RFTN2: variants seen among roughly 807,000 people sequenced by gnomAD.
RFTN2 encodes the protein raftlin family member 2, also known as raftlin-2.
RFTN2 carries 34 observed loss-of-function variants against 52.7 expected under a neutral mutation model. That is an observed-to-expected ratio of 0.64 (90% CI 0.49 to 0.86). The LOEUF is 0.86. Ranked by LOEUF, RFTN2 falls within the 40% of genes least tolerant of loss-of-function variation. The pLI is 0.00. For synonymous variants in RFTN2, 203 were observed against 217.7 expected (o/e 0.93, Z 0.59); for missense variants, 536 against 600.1 (o/e 0.89, Z 1.12).
At chr2:197,663,265 G>GC (rs1335870966) in intron 1 of RFTN2, among the ~76,000 whole-genome samples, 1 of 151,976 alleles carries the variant, frequency 6.6e-6, no homozygotes, top group African/African-American at 2.4e-5. Context: ...GAGCATTTTT[G>GC]CATCTATATT....
At chr2:197,660,106 T>C (rs1019988397) in intron 1 of RFTN2, among the ~76,000 whole-genome samples, 15 of 152,210 alleles carry the variant, frequency 9.9e-5, no homozygotes, top group African/African-American at 3.6e-4. Context: ...GAGGCTGTGA[T>C]TGAACCCAGA....
At chr2:197,592,627 A>C (rs1428226642) in intron 8 of RFTN2, among the ~76,000 whole-genome samples, 1 of 152,224 alleles carries the variant, frequency 6.6e-6, no homozygotes, top group Non-Finnish European at 1.5e-5. Flanking sequence ...ACTGTTTTTA[A>C]AACTAAACAT....
At chr2:197,624,054 C>CT (rs1222306652) in intron 5 of RFTN2, among the ~76,000 whole-genome samples, 3 of 152,182 alleles carry the variant, frequency 2.0e-5, no homozygotes, top group African/African-American at 7.2e-5. Context: ...CCGCCTCGGC[C>CT]TCCCAAAGTG....
chr2:197,657,532 A>T (rs2088911075), intron 1 of RFTN2, among the ~76,000 whole-genome samples: 1 of 152,176 alleles, frequency 6.6e-6, no homozygotes, highest in Non-Finnish European at 1.5e-5. Context: ...CCCCTTCTTC[A>T]CATCTCTAAA....
chr2:197,613,835 C>T (rs1171562846), intron 7 of RFTN2, among the ~76,000 whole-genome samples: 1 of 152,166 alleles, frequency 6.6e-6, no homozygotes, highest in African/African-American at 2.4e-5. Flanking sequence ...GAAGAGTAGA[C>T]ATTGAGAGTT....
Position 197,633,626 on chromosome 2 carries a change from A to C in RFTN2, c.718+92T>G, listed in dbSNP as rs1269374881. On this transcript the variant is annotated intron_variant, in intron 4 of 8. Coordinates refer to ENST00000295049, the MANE Select transcript of RFTN2 (RefSeq NM_144629.3). ...CATTTAGTCATTATAATCTTTAGCA[A>C]TTTACTTTGACTCATATTTCTAAAA... 7 of 950,850 alleles carry C rather than the reference A, an allele frequency of 7.4e-6. No homozygotes were observed. The East Asian group carries it at 1.5e-4, about 20-fold the overall frequency. The allele number at this position is 950,850 out of a possible 1,614,324, so 58.9% of individuals were successfully genotyped here.
chr2:197,593,687 G>A (rs1035033198), intron 8 of RFTN2, among the ~76,000 whole-genome samples: 14 of 152,054 alleles, frequency 9.2e-5, no homozygotes, highest in Non-Finnish European at 1.9e-4. Context: ...AGGAGATCAA[G>A]ACCATCCTGG....
In RFTN2 at chr2:197,669,513, T is replaced by A. The variant is rs1442654584; in HGVS notation, c.139+5807A>T. ...TTTTTGGCACCAGGGACTGGTTTCA[T>A]TGAAGGCGGTTTTTCTACAGATGTG... On this transcript the variant is annotated intron_variant, in intron 1 of 8. Coordinates refer to ENST00000295049, the MANE Select transcript of RFTN2 (RefSeq NM_144629.3). Among the ~76,000 whole-genome samples, 6 of 152,224 alleles carry A rather than the reference T, an allele frequency of 3.9e-5. No homozygotes were observed. In the East Asian group the frequency reaches 1.2e-3, roughly 29 times the overall value.
chr2:197,664,777 C>G (rs922706173), intron 1 of RFTN2, among the ~76,000 whole-genome samples: 3 of 152,098 alleles, frequency 2.0e-5, no homozygotes, highest in African/African-American at 4.8e-5. Context: ...AGAGCGAGAA[C>G]TTATCTCAAA....
At chr2:197,633,621 T>C (rs2088501030) in intron 4 of RFTN2, 97 bp downstream of exon 4, 1 of 906,518 alleles carries the variant, frequency 1.1e-6, no homozygotes, top group Non-Finnish European at 1.7e-6. Context: ...TTATAATCTT[T>C]AGCAATTTAC....
intron 4 of RFTN2, among the ~76,000 whole-genome samples, chr2:197,631,701 C>T (rs979870125): frequency 5.9e-5 from 9 of 152,112 alleles, no homozygotes; most frequent in African/African-American, 1.7e-4. Context: ...TGGACATATG[C>T]AATATTTCCA....
chr2:197,596,172 G>T, intron 7 of RFTN2, 103 bp from the exon 8 acceptor site: 2 of 527,326 alleles, frequency 3.8e-6, no homozygotes, highest in South Asian at 7.0e-5. Flanking sequence ...ATAATCTTCT[G>T]ACCAAAAATA....
At chr2:197,578,539 C>T (rs903799977) in intron 8 of RFTN2, among the ~76,000 whole-genome samples, 3 of 152,142 alleles carry the variant, frequency 2.0e-5, no homozygotes, top group African/African-American at 7.2e-5. Flanking sequence ...AATTCCTTCT[C>T]CTGGCTCAGA....
chr2:197,583,239 G>T (rs191447603), intron 8 of RFTN2, among the ~76,000 whole-genome samples: 4 of 152,170 alleles, frequency 2.6e-5, no homozygotes, highest in Admixed American at 6.5e-5. Context: ...CAAGCTCGGG[G>T]ATTAGCCCAT....
rs140719273 is a variant in RFTN2, at chr2:197,607,344, G to T, written c.1154+8532C>A. Among the ~76,000 whole-genome samples, 13 of 152,184 alleles carry T rather than the reference G, an allele frequency of 8.5e-5. No individual in the cohort carries two copies. In the East Asian group the frequency reaches 2.5e-3, roughly 29 times the overall value. On this transcript the variant is annotated intron_variant, in intron 7 of 8. Transcript: ENST00000295049. ...GGGGACAGTTGTGGGGTGGAGGGAG[G>T]GGGCAGGGATAGCATTAGGAGATAT... is the stretch of plus-strand genomic sequence containing the variant.
chr2:197,604,127 TATG>T (rs1442489744), intron 7 of RFTN2, among the ~76,000 whole-genome samples: 1 of 152,202 alleles, frequency 6.6e-6, no homozygotes, highest in Non-Finnish European at 1.5e-5. Context: ...AATTTAAAAG[TATG>T]ATAATATTTT....
intron 1 of RFTN2, among the ~76,000 whole-genome samples, chr2:197,654,201 T>C (rs867568398): frequency 4.6e-5 from 7 of 152,060 alleles, no homozygotes; most frequent in Middle Eastern, 6.8e-3. Flanking sequence ...GAACCTGGGC[T>C]ATAATGAGAC....
chr2:197,657,035 AAT>A (rs869165763), intron 1 of RFTN2, among the ~76,000 whole-genome samples: 2 of 151,790 alleles, frequency 1.3e-5, no homozygotes, highest in Admixed American at 6.6e-5. Context: ...TAAAAAAAAA[AAT>A]TTTTTTTGGT....
chr2:197,634,687 T>G (rs935960738), intron 3 of RFTN2, among the ~76,000 whole-genome samples: 1 of 147,446 alleles, frequency 6.8e-6, no homozygotes, highest in African/African-American at 2.6e-5. Context: ...GAATGCTTAT[T>G]TTTTATTTTT....
Sources: gnomAD v4.1 joint callset for allele counts (sites outside exome capture counted in the v4.1 genomes callset) on GRCh38, gnomAD v4.1.1 for gene constraint, MANE v1.5 for transcripts, NCBI Gene and HGNC (gene_info 2026-07-23, HGNC 2026-07-21) for gene names.